MN1: variants seen among roughly 807,000 people sequenced by gnomAD.
MN1 encodes the protein transcriptional activator MN1.
Under a neutral mutation model 86.9 loss-of-function variants are expected in MN1, and 19 were observed. That is an observed-to-expected ratio of 0.22 (90% CI 0.15 to 0.32). The LOEUF (loss-of-function observed/expected upper bound fraction) is 0.32. Among genes scored for constraint, MN1 ranks in the 10% least tolerant of loss-of-function variants. The probability of loss-of-function intolerance (pLI) is 1.00; values close to 1 mark genes in which losing one functional copy is unlikely to be tolerated. For synonymous variants in MN1, 928 were observed against 849.6 expected, an observed-to-expected ratio of 1.09 and a Z score of -1.60; for missense variants, 1,841 against 1,862.0, an observed-to-expected ratio of 0.99 and a Z score of 0.21.
At chr22:27,787,203 CCAGA>C (rs1372122487) in intron 1 of MN1, among the ~76,000 whole-genome samples, 16 of 152,196 alleles carry the variant, frequency 1.1e-4, no homozygotes, top group Admixed American at 2.0e-4. Context: ...AGCTTTCTGC[CCAGA>C]CAATTTAGAA....
At chr22:27,789,815 A>G (rs1284004220) in intron 1 of MN1, among the ~76,000 whole-genome samples, 1 of 152,222 alleles carries the variant, frequency 6.6e-6, no homozygotes, top group Non-Finnish European at 1.5e-5. Context: ...CAATCACTAT[A>G]AAGTTCTCTC....
At chr22:27,788,826 C>G (rs75427294) in intron 1 of MN1, among the ~76,000 whole-genome samples, 197 of 152,208 alleles carry the variant, frequency 1.3e-3, no homozygotes, top group South Asian at 3.9e-3. Context: ...CTGGGGCCCT[C>G]AACTTTGACG....
chr22:27,757,370 G>A (rs1002456894), intron 1 of MN1, among the ~76,000 whole-genome samples: 3 of 152,230 alleles, frequency 2.0e-5, no homozygotes, highest in African/African-American at 4.8e-5. Context: ...GGCAGACAGA[G>A]CTAGAAGTGC....
rs577394273 is a variant in MN1, at chr22:27,784,256, A to AGGCCT, written c.3781+12502_3781+12506dup. Among the ~76,000 whole-genome samples the AGGCCT allele has an allele frequency of 1.5e-4, 23 of 152,338 alleles. No individual in the cohort carries two copies. In the East Asian group the frequency reaches 4.2e-3, roughly 28 times the overall value. On this transcript the variant is annotated intron_variant, in intron 1 of 1. Coordinates refer to ENST00000302326, the MANE Select transcript of MN1 (RefSeq NM_002430.3). ...ACTGAGCCTCCTCCCAGGCCAGGCC[A>AGGCCT]GGCCTGAGTGCACACGGCTCAGATT...
At chr22:27,760,294 G>A (rs531906824) in intron 1 of MN1, among the ~76,000 whole-genome samples, 6 of 151,406 alleles carry the variant, frequency 4.0e-5, no homozygotes, top group African/African-American at 7.3e-5. Flanking sequence ...GCAGTGAGCC[G>A]AGATCACACC....
Position 27,798,057 on chromosome 22 carries a change from G to A in MN1, c.2487C>T (p.Ser829=), listed in dbSNP as rs1468048607. The A allele has an allele frequency of 3.1e-6, 5 of 1,611,030 alleles. No homozygotes were observed. Among genetic ancestry groups the A allele is most frequent in the Admixed American group, 1.7e-5 (1 of 59,884 alleles). Residue 829 remains serine, a synonymous_variant, in exon 1 of 2, where the codon TCC becomes TCT. Coordinates refer to ENST00000302326, the MANE Select transcript of MN1 (RefSeq NM_002430.3). ...LFGQSCLAAL[S]TACQNMIASL... ...TGGCGATCATGTTCTGGCAAGCGGT[G>A]GAGAGCGCAGCCAGGCAGCTCTGGC...
chr22:27,749,954 A>G lies in MN1; in HGVS notation c.*961T>C, dbSNP rs1932747796. The G allele has an allele frequency of 4.3e-6, 1 of 232,146 alleles. No homozygotes were observed. The highest frequency in any genetic ancestry group is 6.1e-5 in the East Asian group (1 of 16,412). 14.4% of individuals were successfully genotyped at this position (232,146 alleles called of 1,614,324 possible). On this transcript the variant is annotated 3_prime_UTR_variant, in exon 2 of 2. Transcript: ENST00000302326. ...GCTGAGAACAGCCTCCTCCAACTCC[A>G]GCACCCAAGGCACGGGCAGCAGCCT...
chr22:27,796,642 G>T, intron 1 of MN1, 121 bp downstream of exon 1: 1 of 983,234 alleles, frequency 1.0e-6, no homozygotes, highest in Non-Finnish European at 1.5e-6. Flanking sequence ...GCTCCTAGTT[G>T]GGGATTAGGA....
chr22:27,751,203 C>T, intron 1 of MN1, 107 bp from the exon 2 acceptor site: 2 of 869,042 alleles, frequency 2.3e-6, no homozygotes, highest in Non-Finnish European at 1.7e-6. Context: ...ACCGTCCACG[C>T]CCTCTTTCCA....
chr22:27,797,981 C>T lies in MN1; in HGVS notation c.2563G>A (p.Glu855Lys). ...NVTFNKKNPP[E>K]GKRKLSQNET... The stretch of plus-strand genomic sequence containing the variant: ...TTCTGGCTCAGTTTCCTCTTGCCCT[C>T]TGGCGGGTTCTTCTTGTTGAAGGTC... The change falls in exon 1 of 2, where the codon GAG becomes AAG. Residue 855 changes from glutamate (E) to lysine (K), a missense_variant. Physicochemically the swap from Glu to Lys is moderately conservative, Grantham distance 56. Coordinates refer to ENST00000302326, the MANE Select transcript of MN1 (RefSeq NM_002430.3). The T allele has an allele frequency of 6.3e-7, 1 of 1,591,972 alleles. No homozygotes were observed. Among genetic ancestry groups the T allele is most frequent in the Non-Finnish European group, 8.5e-7 (1 of 1,170,816 alleles).
intron 1 of MN1, among the ~76,000 whole-genome samples, chr22:27,782,378 G>A (rs948029818): frequency 3.3e-5 from 5 of 152,204 alleles, no homozygotes; most frequent in African/African-American, 4.8e-5. Context: ...TGCCAGGCCC[G>A]GGGCTAAGTG....
At chr22:27,787,630 G>T (rs1200948312) in intron 1 of MN1, among the ~76,000 whole-genome samples, 1 of 152,178 alleles carries the variant, frequency 6.6e-6, no homozygotes, top group Non-Finnish European at 1.5e-5. Flanking sequence ...TACAAGGTCT[G>T]TGAAAGCCAA....
At chr22:27,754,648 C>G (rs1019097615) in intron 1 of MN1, among the ~76,000 whole-genome samples, 1 of 152,242 alleles carries the variant, frequency 6.6e-6, no homozygotes, top group Non-Finnish European at 1.5e-5. Flanking sequence ...CAGACCGCGG[C>G]TCCCCAGGGC....
chr22:27,799,479 C>T lies in MN1; in HGVS notation c.1065G>A (p.Gln355=). 1 of 1,454,258 alleles carries T rather than the reference C, an allele frequency of 6.9e-7. No homozygotes were observed. The highest frequency in any genetic ancestry group is 9.1e-7 in the Non-Finnish European group (1 of 1,104,708). The allele number at this position is 1,454,258 out of a possible 1,614,324, so 90.1% of individuals were successfully genotyped here. A position where few individuals can be genotyped will look rare whatever the true frequency, so the allele number is the denominator to read the frequency against. ...PPPPQQQPPQ[Q]PPQQQPPPPP... ...GCGGCGGCGGCTGCTGCTGTGGCGG[C>T]TGCTGCGGGGGCTGCTGCTGAGGGG... Residue 355 remains glutamine, a synonymous_variant, in exon 1 of 2, where the codon CAG becomes CAA. Coordinates refer to ENST00000302326, the MANE Select transcript of MN1 (RefSeq NM_002430.3).
chr22:27,786,139 C>T (rs1933129740), intron 1 of MN1, among the ~76,000 whole-genome samples: 2 of 152,300 alleles, frequency 1.3e-5, no homozygotes, highest in Middle Eastern at 6.8e-3. Context: ...TATGGCCGAA[C>T]CCTGGCATTT....
At chr22:27,785,920 G>A (rs1485109910) in intron 1 of MN1, among the ~76,000 whole-genome samples, 2 of 152,118 alleles carry the variant, frequency 1.3e-5, no homozygotes, top group Non-Finnish European at 2.9e-5. Context: ...AGACTTTAAC[G>A]GGCCCACATA....
At chr22:27,758,819 C>T (rs879707187) in intron 1 of MN1, among the ~76,000 whole-genome samples, 3 of 152,064 alleles carry the variant, frequency 2.0e-5, no homozygotes, top group Admixed American at 6.6e-5. Context: ...AAAGTATAGT[C>T]ACAGGTTTTT....
chr22:27,800,951 T>G lies in MN1; in HGVS notation c.-408A>C. 2.7e-6 allele frequency: 1 copy of G among 364,808 alleles called. No homozygotes were observed. The allele number at this position is 364,808 out of a possible 1,614,324, so 22.6% of individuals were successfully genotyped here. A position where few individuals can be genotyped will look rare whatever the true frequency, so the allele number is the denominator to read the frequency against. On this transcript the variant is annotated 5_prime_UTR_variant, in exon 1 of 2. Transcript: ENST00000302326. ...AGAGCGATCACCTTCTCAAGTCCGA[T>G]TGGGTCTGCTGGGGAGCCCTCAGGA...
rs915506533 is a variant in MN1, at chr22:27,798,804, G to A, written c.1740C>T (p.His580=). 3 of 1,536,144 alleles carry A rather than the reference G, an allele frequency of 2.0e-6. No homozygotes were observed. The highest frequency in any genetic ancestry group is 1.4e-5 in the African/African-American group (1 of 73,028). Residue 580 remains histidine (H), a synonymous_variant, in exon 1 of 2, where the codon CAC becomes CAT. Transcript: ENST00000302326. ...GGCCGCCCTGGCCCACGTCCCCGGG[G>A]TGGCCTAGCTGAGCCAGGTTGGGCT... The part of the protein sequence containing the change: ...LRQPNLAQLG[H]PGDVGQGGLV...
Sources: allele counts gnomAD v4.1 joint callset (sites outside exome capture counted in the v4.1 genomes callset), GRCh38; gene constraint gnomAD v4.1.1; transcripts MANE v1.5; gene names NCBI Gene and HGNC (gene_info 2026-07-23, HGNC 2026-07-21).